LMCD1: variants seen among roughly 807,000 people sequenced by gnomAD.
LMCD1 encodes LIM and cysteine-rich domains protein 1.
Under a neutral mutation model 42.7 loss-of-function variants are expected in LMCD1, and 32 were observed. That is an observed-to-expected ratio of 0.75 (90% confidence interval 0.57 to 1.01). The LOEUF (loss-of-function observed/expected upper bound fraction) is 1.01. LMCD1 is among the 50% of genes least tolerant of loss of function. The pLI, the probability that LMCD1 is intolerant of heterozygous loss-of-function variation, is 0.00. For synonymous variants in LMCD1, 178 were observed against 184.9 expected, an observed-to-expected ratio of 0.96 and a Z score of 0.30; for missense variants, 458 against 483.1, an observed-to-expected ratio of 0.95 and a Z score of 0.49.
At chr3:8,565,230 CTTTA>C (rs1255978914) in intron 4 of LMCD1, among the ~76,000 whole-genome samples, 198 bp from the exon 5 acceptor site, 1 of 152,074 alleles carries the variant, frequency 6.6e-6, no homozygotes, top group Non-Finnish European at 1.5e-5. Context: ...AAATAAATAA[CTTTA>C]TTTAGTCCTC....
Position 8,568,581 on chromosome 3 carries a change from T to G in LMCD1, c.*983T>G, listed in dbSNP as rs929236867. The G allele has an allele frequency of 1.3e-5, 2 of 152,274 alleles. No individual in the cohort carries two copies. Among genetic ancestry groups the G allele is most frequent in the South Asian group, 4.1e-4 (2 of 4,822 alleles). 9.4% of individuals were successfully genotyped at this position (152,274 alleles called of 1,614,324 possible). On this transcript the variant is annotated 3_prime_UTR_variant, in exon 6 of 6. Coordinates refer to ENST00000157600, the MANE Select transcript of LMCD1 (RefSeq NM_014583.4). The stretch of plus-strand genomic sequence containing the variant: ...ATGCCAAAACAATCAGAAACAAAAT[T>G]TTTTCAATAAAAATTAATCTAAAAT...
intron 1 of LMCD1, among the ~76,000 whole-genome samples, chr3:8,528,146 C>G (rs1243613099): frequency 6.6e-6 from 1 of 152,120 alleles, no homozygotes; most frequent in African/African-American, 2.4e-5. Context: ...TGCCATATTG[C>G]CTCCATATGA....
rs954005247 is a variant in LMCD1, at chr3:8,572,212, C to T, written c.*4614C>T. 4.4e-4 allele frequency: 67 copies of T among 152,142 alleles called. No homozygotes were observed. Among genetic ancestry groups the T allele is most frequent in the African/African-American group, 1.5e-3 (64 of 41,428 alleles). 9.4% of individuals were successfully genotyped at this position (152,142 alleles called of 1,614,324 possible). ...AAATTAGGTTTGTCAGATATTTCCT[C>T]GAAATTAGATTCAGCTTATGCATTT... is the stretch of plus-strand genomic sequence containing the variant. On this transcript the variant is annotated 3_prime_UTR_variant, in exon 6 of 6. Coordinates refer to ENST00000157600, the MANE Select transcript of LMCD1 (RefSeq NM_014583.4).
chr3:8,564,534 C>T (rs1019713856), intron 4 of LMCD1, among the ~76,000 whole-genome samples: 2 of 152,028 alleles, frequency 1.3e-5, no homozygotes, highest in Admixed American at 6.6e-5. Flanking sequence ...CAGTTCCCAA[C>T]GTGCTAGAAT....
chr3:8,560,048 A>G (rs1344990717), intron 4 of LMCD1, among the ~76,000 whole-genome samples: 3 of 152,174 alleles, frequency 2.0e-5, no homozygotes, highest in African/African-American at 7.2e-5. Flanking sequence ...CTTCCTTCAT[A>G]CTGCTGCGAG....
chr3:8,521,297 A>T (rs1319643359), intron 1 of LMCD1, among the ~76,000 whole-genome samples: 2 of 152,180 alleles, frequency 1.3e-5, no homozygotes, highest in East Asian at 1.9e-4. Flanking sequence ...CCAGATTCCT[A>T]GATGTTCCAT....
At position 8,502,118 on chromosome 3, in the gene LMCD1, G is replaced by C. The variant is rs1693736131; in HGVS notation, c.42+138G>C. On this transcript the variant is annotated intron_variant, in intron 1 of 5. Coordinates refer to ENST00000157600, the MANE Select transcript of LMCD1 (RefSeq NM_014583.4). ...AAAACTGCATGGAAAACAAATAGTT[G>C]GGAATACATGTTTGAGCTAACAGGC... is the stretch of plus-strand genomic sequence containing the variant. 7.1e-6 allele frequency: 5 copies of C among 702,178 alleles called. No homozygotes were observed. The South Asian group carries it at 1.1e-4, about 15-fold the overall frequency. 43.5% of individuals were successfully genotyped at this position (702,178 alleles called of 1,614,324 possible).
chr3:8,566,561 T>G (rs17049263), intron 5 of LMCD1, among the ~76,000 whole-genome samples: 1,656 of 152,344 alleles, frequency 0.011, 28 homozygotes, highest in African/African-American at 0.034. Flanking sequence ...GTGACAACAG[T>G]ATATGCACAA....
chr3:8,534,808 G>T (rs1694480421), intron 2 of LMCD1, among the ~76,000 whole-genome samples: 1 of 152,198 alleles, frequency 6.6e-6, no homozygotes. Flanking sequence ...CACCTGGAAA[G>T]AGTGGGGTGG....
intron 4 of LMCD1, among the ~76,000 whole-genome samples, chr3:8,557,346 G>C (rs1282446370): frequency 6.6e-6 from 1 of 152,224 alleles, no homozygotes; most frequent in African/African-American, 2.4e-5. Context: ...AAATTGTTGA[G>C]TATTTGTGTT....
At chr3:8,540,739 C>A (rs79282078) in intron 3 of LMCD1, among the ~76,000 whole-genome samples, 39 of 152,332 alleles carry the variant, frequency 2.6e-4, no homozygotes, top group African/African-American at 8.4e-4. Flanking sequence ...ACAAAGGAGA[C>A]CAGCATCCAC....
At position 8,569,980 on chromosome 3, in the gene LMCD1, C is replaced by CCAA. The variant is rs557455934; in HGVS notation, c.*2382_*2383insCAA. ...GGGTGACAGAGTGAGACCCTGTTTC[C>CCAA]AAAAAAAAAAAAAAAGGATAGGTTG... is the stretch of plus-strand genomic sequence containing the variant. On this transcript the variant is annotated 3_prime_UTR_variant, in exon 6 of 6. Coordinates refer to ENST00000157600, the MANE Select transcript of LMCD1 (RefSeq NM_014583.4). 2.2e-5 allele frequency: 3 copies of CCAA among 138,344 alleles called. No homozygotes were observed. The highest frequency in any genetic ancestry group is 4.5e-5 in the Non-Finnish European group (3 of 66,276). 8.6% of individuals were successfully genotyped at this position (138,344 alleles called of 1,614,324 possible). A position where few individuals can be genotyped will look rare whatever the true frequency, so the allele number is the denominator to read the frequency against.
intron 4 of LMCD1, among the ~76,000 whole-genome samples, chr3:8,559,353 C>T (rs73810498): frequency 0.014 from 2,038 of 144,766 alleles, 43 homozygotes; most frequent in African/African-American, 0.05. Context: ...AAGGAATACA[C>T]GAGATTTTAG....
Position 8,572,834 on chromosome 3 carries a change from G to A in LMCD1, c.*5236G>A, listed in dbSNP as rs1376843831. ...CAATAACGTGCTACATACCCATCTTGTATTTTTCCTGCCCCATCTTTGAAA... is the reference window on the plus strand; with the variant it reads ...CAATAACGTGCTACATACCCATCTTATATTTTTCCTGCCCCATCTTTGAAA... On this transcript the variant is annotated 3_prime_UTR_variant, in exon 6 of 6. Transcript: ENST00000157600. 1.3e-5 allele frequency: 2 copies of A among 152,126 alleles called. No individual in the cohort carries two copies. Among genetic ancestry groups the A allele is most frequent in the Non-Finnish European group, 2.9e-5 (2 of 68,010 alleles). The allele number at this position is 152,126 out of a possible 1,614,324, so 9.4% of individuals were successfully genotyped here.
chr3:8,526,002 A>G (rs199922250), intron 1 of LMCD1, among the ~76,000 whole-genome samples: 2 of 152,192 alleles, frequency 1.3e-5, no homozygotes, highest in East Asian at 3.8e-4. Flanking sequence ...GACAGCAGAA[A>G]TGGTTTCTCC....
rs148018556 is a variant in LMCD1, at chr3:8,509,028, T to C, written c.42+7048T>C. Among the ~76,000 whole-genome samples the C allele has an allele frequency of 3.9e-5, 6 of 152,348 alleles. No homozygotes were observed. In the East Asian group the frequency reaches 1.2e-3, roughly 29 times the overall value. ...AAACTTCGCCAAGTTACTGATCCTC[T>C]CTGGACCTCTGGTTCCTCATTTGAG... On this transcript the variant is annotated intron_variant, in intron 1 of 5. Coordinates refer to ENST00000157600, the MANE Select transcript of LMCD1 (RefSeq NM_014583.4).
chr3:8,515,901 T>C (rs1448265643), intron 1 of LMCD1, among the ~76,000 whole-genome samples: 3 of 151,496 alleles, frequency 2.0e-5, no homozygotes, highest in Non-Finnish European at 4.4e-5. Context: ...ACTGGCAAAG[T>C]AGGAGTGGGT....
chr3:8,516,400 A>G (rs73127957), intron 1 of LMCD1, among the ~76,000 whole-genome samples: 5,297 of 152,238 alleles, frequency 0.035, 146 homozygotes, highest in African/African-American at 0.071. Flanking sequence ...TTATACCAAA[A>G]TAGGGCCAGT....
rs1248004579 is a variant in LMCD1, at chr3:8,532,779, T to C, written c.85T>C (p.Leu29=). The change falls in exon 2 of 6, where the codon TTG becomes CTG. Residue 29 remains leucine (L), a synonymous_variant. Transcript: ENST00000157600. ...QLQSARGVAC[L]GCKGTCSGFE... ...GCAGTCAGCAAGAGGTGTGGCATGT[T>C]TGGGATGCAAGGGGACGTGTTCGGG... 6.2e-7 allele frequency: 1 copy of C among 1,613,726 alleles called. No individual in the cohort carries two copies. The highest frequency in any genetic ancestry group is 1.1e-5 in the South Asian group (1 of 91,000).
Sources: allele counts gnomAD v4.1 joint callset (sites outside exome capture counted in the v4.1 genomes callset), GRCh38; gene constraint gnomAD v4.1.1; transcripts MANE v1.5; gene names NCBI Gene and HGNC (gene_info 2026-07-23, HGNC 2026-07-21).